Variants in NKAIN2 observed in about 807,000 individuals in gnomAD.
NKAIN2 encodes the protein sodium/potassium-transporting ATPase subunit beta-1-interacting protein 2.
NKAIN2 carries 14 observed loss-of-function variants against 32.6 expected under a neutral mutation model. That is an observed-to-expected ratio of 0.43 (90% CI 0.28 to 0.67). The LOEUF is 0.67. NKAIN2 is among the 30% of genes least tolerant of loss of function. NKAIN2 has a pLI of 0.17. For missense variants in NKAIN2, 198 were observed against 258.3 expected (o/e 0.77, Z 1.60); for synonymous variants, 80 against 87.2 (o/e 0.92, Z 0.46).
chr6:124,693,585 C>A (rs973660675), intron 4 of NKAIN2, among the ~76,000 whole-genome samples: 2 of 152,140 alleles, frequency 1.3e-5, no homozygotes, highest in Non-Finnish European at 2.9e-5. Context: ...ACTTAACTCA[C>A]CCTTGGAAGA....
At chr6:124,067,517 T>C (rs1254362535) in intron 1 of NKAIN2, among the ~76,000 whole-genome samples, 1 of 152,180 alleles carries the variant, frequency 6.6e-6, no homozygotes, top group Non-Finnish European at 1.5e-5. Context: ...GATATCTAAT[T>C]ACCACATTAC....
intron 1 of NKAIN2, among the ~76,000 whole-genome samples, chr6:124,218,045 AAG>A (rs1791581255): frequency 6.6e-6 from 1 of 152,058 alleles, no homozygotes; most frequent in South Asian, 2.1e-4. Flanking sequence ...CAAAAGGAAA[AAG>A]AGGAATTCGT....
At chr6:123,987,939 G>A (rs190265356) in intron 1 of NKAIN2, among the ~76,000 whole-genome samples, 4 of 152,256 alleles carry the variant, frequency 2.6e-5, no homozygotes, top group Admixed American at 2.6e-4. Flanking sequence ...ACAAAGGTGT[G>A]GGTCATTGGG....
At position 124,824,061 on chromosome 6, in the gene NKAIN2, T is replaced by C. The variant is rs1256078559; in HGVS notation, c.*832T>C. On this transcript the variant is annotated 3_prime_UTR_variant, in exon 7 of 7. Coordinates refer to ENST00000368417, the MANE Select transcript of NKAIN2 (RefSeq NM_001040214.3). ...TCATCTTTATAATTCTAAAATATGGTCTTCTGATGGGGTTGGGGGTGGGAC... is the reference window on the plus strand; with the variant it reads ...TCATCTTTATAATTCTAAAATATGGCCTTCTGATGGGGTTGGGGGTGGGAC... 6.6e-6 allele frequency: 1 copy of C among 152,128 alleles called. No individual in the cohort carries two copies. Among genetic ancestry groups the C allele is most frequent in the Non-Finnish European group, 1.5e-5 (1 of 68,028 alleles). 9.4% of individuals were successfully genotyped at this position (152,128 alleles called of 1,614,324 possible).
chr6:123,891,992 G>A (rs1398443529), intron 1 of NKAIN2, among the ~76,000 whole-genome samples: 1 of 152,156 alleles, frequency 6.6e-6, no homozygotes, highest in East Asian at 1.9e-4. Flanking sequence ...ATCTGTGGAT[G>A]AGGCCAGTTT....
At chr6:124,067,968 G>A (rs1338446167) in intron 1 of NKAIN2, among the ~76,000 whole-genome samples, 3 of 152,124 alleles carry the variant, frequency 2.0e-5, no homozygotes, top group Admixed American at 2.0e-4. Flanking sequence ...TGTATACCCA[G>A]CACTGTTCTA....
rs142336722 is a variant in NKAIN2 at position 123,940,334 on chromosome 6, GTA to G, written c.54+136092_54+136093del. Among the ~76,000 whole-genome samples the G allele has an allele frequency of 6.7e-3, 1,017 of 150,720 alleles. 6 individuals carry two copies. Among genetic ancestry groups the G allele is most frequent in the African/African-American group, 0.01 (412 of 41,048 alleles). On this transcript the variant is annotated intron_variant, in intron 1 of 6. Coordinates refer to ENST00000368417, the MANE Select transcript of NKAIN2 (RefSeq NM_001040214.3). Reference sequence around the variant, plus strand: ...TGTGTGTGTGTGTGTGCCTGTGTGTGTATATATATATATGTGTATGTGTATGT... The same window carrying G: ...TGTGTGTGTGTGTGTGCCTGTGTGTGTATATATATATGTGTATGTGTATGT...
chr6:124,045,209 T>G (rs897790191), intron 1 of NKAIN2, among the ~76,000 whole-genome samples: 1 of 151,642 alleles, frequency 6.6e-6, no homozygotes, highest in Non-Finnish European at 1.5e-5. Context: ...ATCAAAACCA[T>G]GCATATATAT....
At chr6:124,349,240 C>G (rs1274803973) in intron 2 of NKAIN2, among the ~76,000 whole-genome samples, 1 of 151,912 alleles carries the variant, frequency 6.6e-6, no homozygotes, top group African/African-American at 2.4e-5. Flanking sequence ...TGGTTTACCC[C>G]CTCACAGATT....
chr6:124,278,661 A>G (rs1399380548), intron 1 of NKAIN2, among the ~76,000 whole-genome samples: 4 of 88,246 alleles, frequency 4.5e-5, no homozygotes, highest in African/African-American at 2.0e-4. Flanking sequence ...ATATATATAT[A>G]TATATATATA....
intron 1 of NKAIN2, among the ~76,000 whole-genome samples, chr6:124,186,982 T>G (rs2114570236): frequency 6.6e-6 from 1 of 152,274 alleles, no homozygotes; most frequent in Non-Finnish European, 1.5e-5. Context: ...TTTAAAAATT[T>G]TTACTTAAAC....
chr6:124,138,939 G>C (rs1786983999), intron 1 of NKAIN2, among the ~76,000 whole-genome samples: 1 of 151,140 alleles, frequency 6.6e-6, no homozygotes, highest in Non-Finnish European at 1.5e-5. Context: ...GGTGAAGAGG[G>C]ATGAGGGATA....
At chr6:124,767,023 T>C (rs796401727) in intron 4 of NKAIN2, among the ~76,000 whole-genome samples, 38 of 152,210 alleles carry the variant, frequency 2.5e-4, no homozygotes, top group African/African-American at 8.2e-4. Flanking sequence ...GCCTCCCAAG[T>C]AGCTGGGATT....
intron 4 of NKAIN2, among the ~76,000 whole-genome samples, chr6:124,764,400 G>T (rs1392332105): frequency 1.3e-5 from 2 of 152,040 alleles, no homozygotes; most frequent in Non-Finnish European, 2.9e-5. Context: ...TCAATGTTAT[G>T]ATTTTTTAGA....
chr6:124,170,252 G>T (rs1012494687), intron 1 of NKAIN2, among the ~76,000 whole-genome samples: 2 of 152,042 alleles, frequency 1.3e-5, no homozygotes, highest in African/African-American at 4.8e-5. Flanking sequence ...TCACAACATT[G>T]CTTGGTGTTA....
At chr6:124,685,641 AC>A (rs1773833866) in intron 4 of NKAIN2, among the ~76,000 whole-genome samples, 1 of 152,162 alleles carries the variant, frequency 6.6e-6, no homozygotes, top group African/African-American at 2.4e-5. Flanking sequence ...TATCCTAAGA[AC>A]CCTTCATCTA....
intron 1 of NKAIN2, among the ~76,000 whole-genome samples, chr6:124,028,786 C>CATATACGTGTATATACGTAT (rs1469179553): frequency 0.012 from 1,659 of 140,550 alleles, 21 homozygotes; most frequent in African/African-American, 0.046. Flanking sequence ...CATATATACG[C>CATATACGTGTATATACGTAT]ATATACGTGT....
chr6:124,702,517 T>C (rs1181810708), intron 4 of NKAIN2, among the ~76,000 whole-genome samples: 1 of 152,010 alleles, frequency 6.6e-6, no homozygotes, highest in East Asian at 1.9e-4. Context: ...TTTAGATACA[T>C]TACAGTGTTT....
At chr6:123,956,607 C>T (rs949600529) in intron 1 of NKAIN2, among the ~76,000 whole-genome samples, 2 of 152,152 alleles carry the variant, frequency 1.3e-5, no homozygotes, top group African/African-American at 4.8e-5. Flanking sequence ...TTAAGCCACC[C>T]CATCTGTGGT....
Sources: gnomAD v4.1 joint callset for allele counts (sites outside exome capture counted in the v4.1 genomes callset) on GRCh38, gnomAD v4.1.1 for gene constraint, MANE v1.5 for transcripts, NCBI Gene and HGNC (gene_info 2026-07-23, HGNC 2026-07-21) for gene names.